The following MBNL1 variants were observed in gnomAD, a reference collection of about 807,000 sequenced individuals.
MBNL1 encodes muscleblind-like protein 1.
MBNL1 carries 8 observed loss-of-function variants against 42.2 expected under a neutral mutation model. The observed-to-expected ratio is 0.19, with a 90% CI of 0.11 to 0.34. The LOEUF (loss-of-function observed/expected upper bound fraction) is 0.34. MBNL1 is among the 10% of genes least tolerant of loss of function. The probability of loss-of-function intolerance (pLI) is 1.00; values close to 1 mark genes in which losing one functional copy is unlikely to be tolerated. For missense variants in MBNL1, 309 were observed against 495.3 expected (o/e 0.62, Z 3.57); for synonymous variants, 169 against 173.9 (o/e 0.97, Z 0.22).
chr3:152,338,724 C>G, intron 2 of MBNL1: 1 of 975,748 alleles, frequency 1.0e-6, no homozygotes, highest in Non-Finnish European at 1.2e-6. Context: ...AAAACAAAAC[C>G]CTGTAGCTAT....
In MBNL1 at chr3:152,464,748, C is replaced by G. The variant is rs1247952574; in HGVS notation, c.*2382C>G. 1 of 152,536 alleles carries G rather than the reference C, an allele frequency of 6.6e-6. No homozygotes were observed. Among genetic ancestry groups the G allele is most frequent in the East Asian group, 1.9e-4 (1 of 5,200 alleles). 9.4% of individuals were successfully genotyped at this position (152,536 alleles called of 1,614,324 possible). ...ATGAAAATTATAGCGTGTGTGCAAA[C>G]TCTTGAGGGTTGATTATGCTGCAAT... On this transcript the variant is annotated 3_prime_UTR_variant, in exon 10 of 10. Coordinates refer to ENST00000324210, the MANE Select transcript of MBNL1 (RefSeq NM_021038.5).
chr3:152,412,064 A>G (rs138638443), intron 2 of MBNL1, among the ~76,000 whole-genome samples: 2 of 152,340 alleles, frequency 1.3e-5, no homozygotes, highest in East Asian at 3.8e-4. Context: ...AGCTGGCAAC[A>G]TACCAACATA....
chr3:152,406,901 T>C, intron 2 of MBNL1, among the ~76,000 whole-genome samples: 1 of 152,098 alleles, frequency 6.6e-6, no homozygotes, highest in Non-Finnish European at 1.5e-5. Context: ...GATGAAAAAA[T>C]GTTTAATGCC....
At chr3:152,248,435 G>T (rs1329864140) in intron 2 of MBNL1, among the ~76,000 whole-genome samples, 1 of 151,694 alleles carries the variant, frequency 6.6e-6, no homozygotes, top group Non-Finnish European at 1.5e-5. Context: ...TCTTTACCTA[G>T]ATTTGCTTAA....
chr3:152,445,397 T>C lies in MBNL1; in HGVS notation c.665T>C (p.Met222Thr). 6.2e-7 allele frequency: 1 copy of C among 1,614,138 alleles called. No individual in the cohort carries two copies. The highest frequency in any genetic ancestry group is 8.5e-7 in the Non-Finnish European group (1 of 1,179,982). The change falls in exon 5 of 10, where the codon ATG (methionine) becomes ACG (threonine). Residue 222 changes from methionine (M) to threonine (T), a missense_variant. Physicochemically the swap from Met to Thr is moderately conservative, Grantham distance 81. Transcript: ENST00000324210. ...DTNDNTVTVC[M>T]DYIKGRCSRE... ...AATGACAACACAGTCACTGTGTGTA[T>C]GGATTACATCAAAGGGAGATGCTCT...
chr3:152,447,491 C>T, intron 5 of MBNL1, 129 bp from the exon 6 acceptor site: 1 of 427,548 alleles, frequency 2.3e-6, no homozygotes, highest in South Asian at 5.7e-5. Flanking sequence ...GGATTTTTTC[C>T]CTCGGGTAGT....
chr3:152,414,497 G>A (rs1374335152), intron 2 of MBNL1, among the ~76,000 whole-genome samples: 2 of 152,078 alleles, frequency 1.3e-5, no homozygotes, highest in Non-Finnish European at 2.9e-5. Context: ...GATACAATGT[G>A]CCTTGAGTCC....
At chr3:152,258,141 G>C (rs562664922) in intron 2 of MBNL1, among the ~76,000 whole-genome samples, 1 of 152,114 alleles carries the variant, frequency 6.6e-6, no homozygotes, top group East Asian at 1.9e-4. Flanking sequence ...AATTTGATTT[G>C]AATCCTCATA....
At chr3:152,314,332 G>A (rs1229932664) in intron 2 of MBNL1, among the ~76,000 whole-genome samples, 2 of 150,948 alleles carry the variant, frequency 1.3e-5, no homozygotes, top group African/African-American at 4.9e-5. Context: ...GAATCGATAG[G>A]GATCCAATTC....
At chr3:152,436,332 G>A (rs932043474) in intron 4 of MBNL1, among the ~76,000 whole-genome samples, 1 of 152,188 alleles carries the variant, frequency 6.6e-6, no homozygotes, top group East Asian at 1.9e-4. Flanking sequence ...GATTTTAGGA[G>A]AAGAGATGTG....
At chr3:152,289,383 CTAGT>C (rs1462968554) in intron 1 of MBNL1, among the ~76,000 whole-genome samples, 1 of 151,606 alleles carries the variant, frequency 6.6e-6, no homozygotes, top group African/African-American at 2.4e-5. Context: ...ATCTCTGGAC[CTAGT>C]TAGATATGTG....
chr3:152,353,639 A>T (rs2095276546), intron 2 of MBNL1, among the ~76,000 whole-genome samples: 1 of 150,600 alleles, frequency 6.6e-6, no homozygotes, highest in Non-Finnish European at 1.5e-5. Context: ...TAGGCATATT[A>T]ATTATTGAAG....
At chr3:152,399,870 A>G (rs1322439381) in intron 2 of MBNL1, among the ~76,000 whole-genome samples, 1 of 152,134 alleles carries the variant, frequency 6.6e-6, no homozygotes, top group African/African-American at 2.4e-5. Context: ...TTCCATCTCT[A>G]TTATAGTAAA....
chr3:152,260,675 T>C (rs1189371496), intron 2 of MBNL1, among the ~76,000 whole-genome samples: 1 of 152,202 alleles, frequency 6.6e-6, no homozygotes, highest in Non-Finnish European at 1.5e-5. Flanking sequence ...AGACAGGGTA[T>C]AGAATTTTAA....
At chr3:152,418,714 C>CTTTT (rs35606256) in intron 3 of MBNL1, among the ~76,000 whole-genome samples, 3 of 118,690 alleles carry the variant, frequency 2.5e-5, no homozygotes, top group Non-Finnish European at 5.1e-5. Context: ...TCTTAACAAT[C>CTTTT]TTTTTTTTTT....
chr3:152,458,211 A>G (rs1737633534), intron 8 of MBNL1: 1 of 1,611,930 alleles, frequency 6.2e-7, no homozygotes, highest in Non-Finnish European at 8.5e-7. Context: ...AAGCTTCATT[A>G]TGCTTGGAGC....
intron 1 of MBNL1, among the ~76,000 whole-genome samples, chr3:152,295,969 A>G (rs1171143341): frequency 1.3e-5 from 2 of 152,230 alleles, no homozygotes; most frequent in Non-Finnish European, 2.9e-5. Flanking sequence ...ATCATGTTAC[A>G]GGTCAAGTAA....
At position 152,441,291 on chromosome 3, in the gene MBNL1, A is replaced by C. The variant is rs79382298; in HGVS notation, c.550-3991A>C. ...ACTTACGTTATTTTGACCATTTTGAAATATAGTTTTTCATGTATTAAAAAA... is the reference window on the plus strand; with the variant it reads ...ACTTACGTTATTTTGACCATTTTGACATATAGTTTTTCATGTATTAAAAAA... On this transcript the variant is annotated intron_variant, in intron 4 of 9. Transcript: ENST00000324210. Among the ~76,000 whole-genome samples the C allele has an allele frequency of 1.9e-3, 290 of 152,316 alleles. 1 individual carries two copies. The highest frequency in any genetic ancestry group is 3.0e-3 in the Non-Finnish European group (202 of 67,990).
chr3:152,397,092 G>A (rs963038089), intron 2 of MBNL1, among the ~76,000 whole-genome samples: 3 of 152,172 alleles, frequency 2.0e-5, no homozygotes, highest in African/African-American at 7.2e-5. Context: ...AGGATGTGAT[G>A]TACTGCCAAA....
Sources: gnomAD v4.1 joint callset for allele counts (sites outside exome capture counted in the v4.1 genomes callset) on GRCh38, gnomAD v4.1.1 for gene constraint, MANE v1.5 for transcripts, NCBI Gene and HGNC (gene_info 2026-07-23, HGNC 2026-07-21) for gene names.